The following SCPEP1 variants were observed in gnomAD, a reference collection of about 807,000 sequenced individuals.
SCPEP1 encodes the protein serine carboxypeptidase 1.
In SCPEP1, 51 loss-of-function variants were observed where a neutral mutation model predicts 63.8. The ratio of observed to expected loss-of-function variants is 0.80; its 90% CI spans 0.64 to 1.01. SCPEP1 has a LOEUF of 1.01. Among genes scored for constraint, SCPEP1 ranks in the 50% least tolerant of loss-of-function variants. The probability of loss-of-function intolerance (pLI) is 0.00; values close to 1 mark genes in which losing one functional copy is unlikely to be tolerated. For missense variants in SCPEP1, 499 were observed against 554.9 expected, an observed-to-expected ratio of 0.90 and a Z score of 1.01; for synonymous variants, 204 against 207.8, an observed-to-expected ratio of 0.98 and a Z score of 0.16.
chr17:56,995,297 T>A, intron 7 of SCPEP1: 1 of 588,670 alleles, frequency 1.7e-6, no homozygotes. Context: ...TGCAGAAATG[T>A]TGAAAGATCA....
intron 5 of SCPEP1, among the ~76,000 whole-genome samples, chr17:56,988,639 A>C (rs1911296351): frequency 6.6e-6 from 1 of 151,750 alleles, no homozygotes; most frequent in Non-Finnish European, 1.5e-5. Flanking sequence ...ATATATAAAT[A>C]TAAGATAACG....
At chr17:56,985,499 G>A in intron 3 of SCPEP1, 32 bp downstream of exon 3, 1 of 1,555,232 alleles carries the variant, frequency 6.4e-7, no homozygotes, top group Non-Finnish European at 8.9e-7. Flanking sequence ...GCTAAACCTT[G>A]CCCCGTGGCC....
chr17:56,987,506 C>G, intron 3 of SCPEP1, 189 bp from the exon 4 acceptor site: 79 of 417,462 alleles, frequency 1.9e-4, no homozygotes, highest in Middle Eastern at 1.3e-3. Flanking sequence ...GTTGGCCTTT[C>G]TTTGTTTTTG....
rs199724447 is a variant in SCPEP1, at chr17:56,998,438, C to T, written c.934C>T (p.Leu312Phe). 1.9e-6 allele frequency: 3 copies of T among 1,614,004 alleles called. No homozygotes were observed. In the African/African-American group the frequency reaches 4.0e-5, roughly 22 times the overall value. The change falls in exon 10 of 13, where the codon CTC becomes TTC. Residue 312 changes from leucine to phenylalanine, a missense_variant. Leu to Phe is a conservative substitution (Grantham distance 22, BLOSUM62 0). Coordinates refer to ENST00000262288, the MANE Select transcript of SCPEP1 (RefSeq NM_021626.3). ...RHLQRDALSQ[L>F]MNGPIRKKLK... Reference sequence around the variant, plus strand: ...CCTACAACGAGATGCCTTAAGCCAGCTCATGAATGGCCCCATCAGAAAGAA... The same window carrying T: ...CCTACAACGAGATGCCTTAAGCCAGTTCATGAATGGCCCCATCAGAAAGAA...
chr17:56,990,668 C>A (rs1211207022), intron 5 of SCPEP1, among the ~76,000 whole-genome samples: 2 of 152,150 alleles, frequency 1.3e-5, no homozygotes, highest in East Asian at 1.9e-4. Flanking sequence ...TGCTGTGTTG[C>A]CCAGACTAGA....
chr17:56,985,507 G>A, intron 3 of SCPEP1, 40 bp downstream of exon 3: 1 of 1,495,322 alleles, frequency 6.7e-7, no homozygotes, highest in Non-Finnish European at 9.3e-7. Context: ...TTGCCCCGTG[G>A]CCTCTCAGAG....
At chr17:56,993,408 C>T (rs1044009261) in intron 6 of SCPEP1, among the ~76,000 whole-genome samples, 3 of 152,064 alleles carry the variant, frequency 2.0e-5, no homozygotes, top group African/African-American at 7.2e-5. Context: ...TGCCCTGCCG[C>T]CTGCTCTGGT....
intron 2 of SCPEP1, 60 bp downstream of exon 2, chr17:56,981,290 T>G (rs555813869): frequency 1.9e-6 from 3 of 1,594,050 alleles, no homozygotes; most frequent in Middle Eastern, 3.7e-4. Flanking sequence ...TGTGGCTCTT[T>G]GCTTGCTTTT....
chr17:56,987,373 A>G (rs1567864937), intron 3 of SCPEP1: 1 of 207,222 alleles, frequency 4.8e-6, no homozygotes. Flanking sequence ...TTTCTGCGCT[A>G]GTTTATTACA....
chr17:57,004,314 A>G (rs1911824947), intron 12 of SCPEP1, among the ~76,000 whole-genome samples: 1 of 152,214 alleles, frequency 6.6e-6, no homozygotes, highest in Admixed American at 6.5e-5. Flanking sequence ...GGATTGATTG[A>G]GCCTGAAAGC....
intron 6 of SCPEP1, among the ~76,000 whole-genome samples, chr17:56,992,767 A>C (rs1454707498): frequency 1.3e-5 from 2 of 152,214 alleles, no homozygotes; most frequent in East Asian, 1.9e-4. Context: ...AAATGGTAGA[A>C]CTGGGATTCA....
At chr17:57,004,818 G>A (rs932731023) in intron 12 of SCPEP1, among the ~76,000 whole-genome samples, 47 of 152,314 alleles carry the variant, frequency 3.1e-4, no homozygotes, top group African/African-American at 1.1e-3. Context: ...GTGGTTGTTA[G>A]GCATCATATC....
chr17:57,002,747 T>C (rs2144510540), intron 12 of SCPEP1, among the ~76,000 whole-genome samples: 1 of 151,898 alleles, frequency 6.6e-6, no homozygotes, highest in Non-Finnish European at 1.5e-5. Flanking sequence ...GGCGCATGCC[T>C]GTGGTCTCAG....
chr17:56,993,733 C>T (rs1383506206), intron 6 of SCPEP1, among the ~76,000 whole-genome samples: 1 of 152,208 alleles, frequency 6.6e-6, no homozygotes, highest in African/African-American at 2.4e-5. Flanking sequence ...AGGCGTGAGC[C>T]ACCGCACCCA....
chr17:56,981,142 G>T lies in SCPEP1; in HGVS notation c.137G>T (p.Arg46Leu), dbSNP rs556719579. 6.2e-7 allele frequency: 1 copy of T among 1,614,132 alleles called. No individual in the cohort carries two copies. The highest frequency in any genetic ancestry group is 1.7e-5 in the Admixed American group (1 of 60,022). The change falls in exon 2 of 13, where the codon CGC becomes CTC. Residue 46 changes from arginine (R) to leucine (L), a missense_variant. By Grantham distance (102) the Arg-to-Leu change is moderately radical. Transcript: ENST00000262288. ...GKEVWDYVTV[R>L]KDAYMFWWLY... is the part of the protein sequence containing the mutation. ...GAAGTATGGGATTATGTGACGGTCC[G>T]CAAGGATGCCTACATGTTCTGGTGG... is the stretch of plus-strand genomic sequence containing the variant.
At chr17:56,987,218 T>G (rs1367486836) in intron 3 of SCPEP1, 1 of 152,688 alleles carries the variant, frequency 6.5e-6, no homozygotes, top group African/African-American at 2.4e-5. Flanking sequence ...GAAAAGGTAT[T>G]AGAATAAATT....
chr17:57,002,189 A>G lies in SCPEP1; in HGVS notation c.1296+8A>G. ...CTGAAAGCTGGTCATATGGTAAGAAAGAGCTTTTGTTCCAGACTTAAAAAT... is the reference window on the plus strand; with the variant it reads ...CTGAAAGCTGGTCATATGGTAAGAAGGAGCTTTTGTTCCAGACTTAAAAAT... On this transcript the variant is annotated splice_region_variant and intron_variant, in intron 12 of 12. Transcript: ENST00000262288. The G allele has an allele frequency of 6.2e-7, 1 of 1,611,902 alleles. No individual in the cohort carries two copies. The highest frequency in any genetic ancestry group is 8.5e-7 in the Non-Finnish European group (1 of 1,179,254).
At chr17:56,984,749 G>T (rs3095491) in intron 2 of SCPEP1, 26,058 of 154,340 alleles carry the variant, frequency 0.17, 2,431 homozygotes, top group African/African-American at 0.24. Context: ...TGTCTAGTCC[G>T]GTTAGAGCTC....
At chr17:57,006,129 G>A (rs1181632311) in intron 12 of SCPEP1, 44 bp from the exon 13 acceptor site, 1 of 1,531,850 alleles carries the variant, frequency 6.5e-7, no homozygotes, top group African/African-American at 1.4e-5. Flanking sequence ...CCCAGCCCCA[G>A]GAATAGCACC....
Sources: allele counts gnomAD v4.1 joint callset (sites outside exome capture counted in the v4.1 genomes callset), GRCh38; gene constraint gnomAD v4.1.1; transcripts MANE v1.5; gene names NCBI Gene and HGNC (gene_info 2026-07-23, HGNC 2026-07-21).